Variants in TMC8 observed in about 807,000 individuals in gnomAD.
TMC8 encodes transmembrane channel-like protein 8.
A neutral mutation model predicts 76.0 loss-of-function variants in TMC8; 71 were observed. The observed-to-expected ratio is 0.93, with a 90% CI of 0.77 to 1.14. The LOEUF (loss-of-function observed/expected upper bound fraction) is 1.14. Ranked by LOEUF, TMC8 falls within the 50% of genes most tolerant of loss-of-function variation. TMC8 has a pLI of 0.00. For missense variants in TMC8, 924 were observed against 947.9 expected (o/e 0.97, Z 0.33); for synonymous variants, 433 against 433.8 (o/e 1.00, Z 0.02).
rs201751951 is a variant in TMC8 at position 78,138,601 on chromosome 17, C to T, written c.1692C>T (p.Leu564=). The change falls in exon 14 of 16, where the codon CTC becomes CTT. Residue 564 remains leucine, a synonymous_variant. Coordinates refer to ENST00000318430, the MANE Select transcript of TMC8 (RefSeq NM_152468.5). ...TCCACTCCTCCTGGGACTGCGGCCT[C>T]TTCACCAACTACTCAGCACCCTGGC... is the stretch of plus-strand genomic sequence containing the variant. ...SSIHSSWDCG[L]FTNYSAPWQV... 3 of 1,613,964 alleles carry T rather than the reference C, an allele frequency of 1.9e-6. No individual in the cohort carries two copies. The highest frequency in any genetic ancestry group is 2.5e-6 in the Non-Finnish European group (3 of 1,180,020).
At chr17:78,132,688 G>A (rs1199836628) in intron 4 of TMC8, 100 bp from the exon 5 acceptor site, 17 of 1,520,912 alleles carry the variant, frequency 1.1e-5, no homozygotes, top group Non-Finnish European at 1.5e-5. Flanking sequence ...TCAGCCCCCT[G>A]CCCAGGCCTC....
intron 9 of TMC8, among the ~76,000 whole-genome samples, chr17:78,135,524 T>A (rs1454062457): frequency 1.3e-5 from 2 of 152,070 alleles, no homozygotes; most frequent in African/African-American, 2.4e-5. Flanking sequence ...GCTCAAGCGA[T>A]CCTCCCGCCG....
chr17:78,132,591 A>G (rs2075047770), intron 4 of TMC8, 83 bp downstream of exon 4: 2 of 1,546,810 alleles, frequency 1.3e-6, no homozygotes, highest in Admixed American at 3.8e-5. Context: ...GAGCGTGGCG[A>G]CAACGCTGGG....
At chr17:78,137,379 G>T in intron 10 of TMC8, 21 bp downstream of exon 10, 1 of 1,613,584 alleles carries the variant, frequency 6.2e-7, no homozygotes, top group Non-Finnish European at 8.5e-7. Flanking sequence ...GCCCGGCGGG[G>T]CCTGTCCCTC....
chr17:78,131,703 C>A lies in TMC8; in HGVS notation c.115C>A (p.Leu39Met). ...LRGSGTPVRG[L>M]PYAMMDKRLI... Reference sequence around the variant, plus strand: ...CGGCTCTGGGACGCCCGTGCGCGGGCTGCCCTATGCCATGATGGACAAGCG... The same window carrying A: ...CGGCTCTGGGACGCCCGTGCGCGGGATGCCCTATGCCATGATGGACAAGCG... The change falls in exon 2 of 16, where the codon CTG becomes ATG. Residue 39 changes from leucine (L) to methionine (M), a missense_variant. Coordinates refer to ENST00000318430, the MANE Select transcript of TMC8 (RefSeq NM_152468.5). The A allele has an allele frequency of 6.3e-7, 1 of 1,582,028 alleles. No homozygotes were observed. The highest frequency in any genetic ancestry group is 2.3e-5 in the East Asian group (1 of 43,480).
Position 78,131,576 on chromosome 17 carries a change from C to G in TMC8, c.-13C>G. The G allele has an allele frequency of 6.5e-7, 1 of 1,542,672 alleles. No homozygotes were observed. ...GCAGCCCGGCGCCCCAGCCTCTACCCGTGCCCGCCGAGATGCTGCTGCCGC... is the reference window on the plus strand; with the variant it reads ...GCAGCCCGGCGCCCCAGCCTCTACCGGTGCCCGCCGAGATGCTGCTGCCGC... On this transcript the variant is annotated 5_prime_UTR_variant, in exon 2 of 16. Coordinates refer to ENST00000318430, the MANE Select transcript of TMC8 (RefSeq NM_152468.5).
Position 78,134,637 on chromosome 17 carries a change from A to G in TMC8, c.987+73A>G. 5 of 1,589,210 alleles carry G rather than the reference A, an allele frequency of 3.1e-6. No individual in the cohort carries two copies. The South Asian group carries it at 4.5e-5, about 14-fold the overall frequency. ...GAGACAGGATGATCCCATTTTACAGATGAGGAAACCGAGGCTCAGAGAGGT... is the reference window on the plus strand; with the variant it reads ...GAGACAGGATGATCCCATTTTACAGGTGAGGAAACCGAGGCTCAGAGAGGT... On this transcript the variant is annotated intron_variant, in intron 8 of 15. Transcript: ENST00000318430.
rs1175645208 is a variant in TMC8 at position 78,131,451 on chromosome 17, G to T, written c.-138G>T. On this transcript the variant is annotated 5_prime_UTR_variant, in exon 2 of 16. Transcript: ENST00000318430. ...CAGGAGCCCAGGCCCCGACGCCGGC[G>T]CAGAGGGGACGGAAGGGCCCGCCCC... 2.4e-6 allele frequency: 3 copies of T among 1,269,080 alleles called. No homozygotes were observed. Among genetic ancestry groups the T allele is most frequent in the South Asian group, 1.3e-5 (1 of 77,324 alleles). The allele number at this position is 1,269,080 out of a possible 1,614,324, so 78.6% of individuals were successfully genotyped here. A position where few individuals can be genotyped will look rare whatever the true frequency, so the allele number is the denominator to read the frequency against.
In TMC8 at chr17:78,138,097, G is replaced by A; in HGVS notation, c.1442G>A (p.Gly481Glu). The change falls in exon 12 of 16, where the codon GGG (glycine) becomes GAG (glutamate). Residue 481 changes from glycine (G) to glutamate (E), a missense_variant. By Grantham distance (98) the Gly-to-Glu change is moderately conservative. Transcript: ENST00000318430. The part of the protein sequence containing the change: ...VPKNVLDIVA[G>E]QTVTWMGLFY... The stretch of plus-strand genomic sequence containing the variant: ...AAGAATGTGCTGGACATCGTGGCGG[G>A]GCAGACGGTCACCTGGATGGGCCTC... 2.5e-6 allele frequency: 4 copies of A among 1,614,020 alleles called. No homozygotes were observed. Among genetic ancestry groups the A allele is most frequent in the Non-Finnish European group, 3.4e-6 (4 of 1,180,012 alleles).
intron 8 of TMC8, 27 bp downstream of exon 8, chr17:78,134,591 C>T (rs777538766): frequency 4.2e-5 from 67 of 1,613,420 alleles, no homozygotes; most frequent in Non-Finnish European, 5.5e-5. Flanking sequence ...TTCATTTAAT[C>T]CTGGCCAGAA....
At position 78,134,494 on chromosome 17, in the gene TMC8, A is replaced by G; in HGVS notation, c.917A>G (p.Asn306Ser). Reference sequence around the variant, plus strand: ...TCCTACCTGCGGGTCAACGTACTCAACGGGCTCCTGGTGGTTGGGGCCATC... The same window carrying G: ...TCCTACCTGCGGGTCAACGTACTCAGCGGGCTCCTGGTGGTTGGGGCCATC... The part of the protein sequence containing the change: ...LLSYLRVNVL[N>S]GLLVVGAISA... The change falls in exon 8 of 16, where the codon AAC becomes AGC. Residue 306 changes from asparagine to serine, a missense_variant. Physicochemically the swap from Asn to Ser is conservative, Grantham distance 46. Transcript: ENST00000318430. 1 of 1,613,724 alleles carries G rather than the reference A, an allele frequency of 6.2e-7. No individual in the cohort carries two copies. Among genetic ancestry groups the G allele is most frequent in the South Asian group, 1.1e-5 (1 of 91,078 alleles).
intron 10 of TMC8, 77 bp downstream of exon 10, chr17:78,137,435 GT>G: frequency 6.2e-7 from 1 of 1,608,024 alleles, no homozygotes. Flanking sequence ...GCAGAGCCCT[GT>G]TCCTGCCCCT....
intron 10 of TMC8, 172 bp downstream of exon 10, chr17:78,137,530 T>A: frequency 8.0e-7 from 1 of 1,252,446 alleles, no homozygotes; most frequent in Non-Finnish European, 1.2e-6. Context: ...CCACATGGTG[T>A]AGTGTGGCTG....
rs1289538451 is a variant in TMC8, at chr17:78,133,503, T to C, written c.629T>C (p.Leu210Pro). Residue 210 changes from leucine (L) to proline (P), a missense_variant, in exon 6 of 16, where the codon CTG becomes CCG. Physicochemically the swap from Leu to Pro is moderately conservative, Grantham distance 98. Transcript: ENST00000318430. ...CGCCTGGCCTACCTCCTCAGCCCGC[T>C]GGCCTGCCTGCTCCTCTGCTTCTGT... Reference protein sequence around the residue: ...SIRLAYLLSPLACLLLCFCGT... With the variant: ...SIRLAYLLSPPACLLLCFCGT... The C allele has an allele frequency of 6.2e-7, 1 of 1,613,542 alleles. No individual in the cohort carries two copies. The highest frequency in any genetic ancestry group is 1.3e-5 in the African/African-American group (1 of 75,062).
chr17:78,132,726 G>A, intron 4 of TMC8, 62 bp from the exon 5 acceptor site: 1 of 1,573,020 alleles, frequency 6.4e-7, no homozygotes, highest in South Asian at 1.1e-5. Flanking sequence ...TAGAGCAGTA[G>A]CCGCAGAGCC....
intron 8 of TMC8, 110 bp from the exon 9 acceptor site, chr17:78,134,760 G>A (rs1309304117): frequency 5.1e-6 from 8 of 1,572,044 alleles, no homozygotes; most frequent in African/African-American, 2.7e-5. Context: ...GCTTACAGGC[G>A]ACCCTATTCT....
Position 78,131,871 on chromosome 17 carries a change from C to G in TMC8, c.150-11C>G. The G allele has an allele frequency of 6.9e-7, 1 of 1,458,940 alleles. No homozygotes were observed. The highest frequency in any genetic ancestry group is 9.0e-7 in the Non-Finnish European group (1 of 1,111,464). The allele number at this position is 1,458,940 out of a possible 1,614,324, so 90.4% of individuals were successfully genotyped here. On this transcript the variant is annotated splice_polypyrimidine_tract_variant and intron_variant, in intron 2 of 15. Transcript: ENST00000318430. ...TGACTCAGGGGCGCCCCTGTCACCA[C>G]CCCCGTCCAGGCAGCTGCGGGAGCC...
In TMC8 at chr17:78,138,480, G is replaced by T; in HGVS notation, c.1664+1G>T. 6.2e-7 allele frequency: 1 copy of T among 1,613,492 alleles called. No homozygotes were observed. Among genetic ancestry groups the T allele is most frequent in the Non-Finnish European group, 8.5e-7 (1 of 1,179,998 alleles). On this transcript the variant is annotated splice_donor_variant, in intron 13 of 15. Transcript: ENST00000318430. LOFTEE classifies it high-confidence loss of function. ...TGCCCCTGGGCTATGTGGTCAGCAG[G>T]TGAGGGGAAGAGGAGGGGGGCACCC...
At chr17:78,139,572 CA>C (rs1162707971) in intron 15 of TMC8, among the ~76,000 whole-genome samples, 1 of 151,302 alleles carries the variant, frequency 6.6e-6, no homozygotes, top group Non-Finnish European at 1.5e-5. Context: ...TGGTCTCCAC[CA>C]AAAATAAGTA....
Sources: gnomAD v4.1 joint callset for allele counts (sites outside exome capture counted in the v4.1 genomes callset) on GRCh38, gnomAD v4.1.1 for gene constraint, MANE v1.5 for transcripts, NCBI Gene and HGNC (gene_info 2026-07-23, HGNC 2026-07-21) for gene names.